The following STAG3 variants were observed in gnomAD, a reference collection of about 807,000 sequenced individuals.
STAG3 encodes cohesin subunit SA-3.
A neutral mutation model predicts 160.7 loss-of-function variants in STAG3; 101 were observed. The observed-to-expected ratio is 0.63, with a 90% confidence interval of 0.54 to 0.74. STAG3 has a LOEUF of 0.74. Among genes scored for constraint, STAG3 ranks in the 30% least tolerant of loss-of-function variants. The pLI is 0.00. For missense variants in STAG3, 1,188 were observed against 1,517.4 expected (o/e 0.78, Z 3.61); for synonymous variants, 519 against 585.0 (o/e 0.89, Z 1.63).
chr7:100,214,068 T>A lies in STAG3; in HGVS notation c.*53T>A. On this transcript the variant is annotated 3_prime_UTR_variant, in exon 34 of 34. Transcript: ENST00000615138. ...ACTCCCTACCTCAAGAATGTGACCATTTGGAAAAGGCAAAGAGAAAAGGAG... is the reference window on the plus strand; with the variant it reads ...ACTCCCTACCTCAAGAATGTGACCAATTGGAAAAGGCAAAGAGAAAAGGAG... 1 of 1,606,596 alleles carries A rather than the reference T, an allele frequency of 6.2e-7. No individual in the cohort carries two copies. The highest frequency in any genetic ancestry group is 8.5e-7 in the Non-Finnish European group (1 of 1,174,748).
At chr7:100,218,458 A>G (rs965795060), downstream of STAG3, 1 of 219,198 alleles carries the variant, frequency 4.6e-6, no homozygotes, top group Non-Finnish European at 9.2e-6. Flanking sequence ...CCCACATGGC[A>G]CTGCTGGGCA....
At chr7:100,216,770 C>CAA (rs398067113), downstream of STAG3, among the ~76,000 whole-genome samples, 7 of 128,782 alleles carry the variant, frequency 5.4e-5, no homozygotes, top group African/African-American at 1.7e-4. Context: ...GACTCCGTTT[C>CAA]AAAAAAAAAA....
At position 100,198,083 on chromosome 7, in the gene STAG3, G is replaced by A. The variant is rs201341534; in HGVS notation, c.1165-4G>A. Reference sequence around the variant, plus strand: ...GATATTGAGTGACTTTCTCCTTTCTGCAGGACCGGATGGTTTCCATGGTCA... The same window carrying A: ...GATATTGAGTGACTTTCTCCTTTCTACAGGACCGGATGGTTTCCATGGTCA... On this transcript the variant is annotated splice_polypyrimidine_tract_variant and splice_region_variant and intron_variant, in intron 11 of 33. Coordinates refer to ENST00000615138, the MANE Select transcript of STAG3 (RefSeq NM_001282717.2). 8 of 1,613,782 alleles carry A rather than the reference G, an allele frequency of 5.0e-6. No homozygotes were observed. Among genetic ancestry groups the A allele is most frequent in the South Asian group, 1.1e-5 (1 of 91,076 alleles).
At chr7:100,185,608 A>C (rs1799944623) in intron 4 of STAG3, among the ~76,000 whole-genome samples, 1 of 152,092 alleles carries the variant, frequency 6.6e-6, no homozygotes, top group Non-Finnish European at 1.5e-5. Flanking sequence ...TCTCAAAAAA[A>C]AAAAAAAAGG....
chr7:100,204,332 A>C (rs1414013066), intron 26 of STAG3, among the ~76,000 whole-genome samples: 1 of 152,206 alleles, frequency 6.6e-6, no homozygotes, highest in Non-Finnish European at 1.5e-5. Flanking sequence ...GTAACTTATC[A>C]GGACATTGGA....
rs890729663 is a variant in STAG3 at position 100,177,925 on chromosome 7, T to A, written c.-145T>A. On this transcript the variant is annotated 5_prime_UTR_variant, in exon 1 of 34. Coordinates refer to ENST00000615138, the MANE Select transcript of STAG3 (RefSeq NM_001282717.2). ...TGTCTTGTACGTTCCCGCGCTTTTC[T>A]GGAATCTTTCGCCCCCGGAAGGGCA... is the stretch of plus-strand genomic sequence containing the variant. 1 of 152,488 alleles carries A rather than the reference T, an allele frequency of 6.6e-6. No homozygotes were observed. The highest frequency in any genetic ancestry group is 1.9e-4 in the East Asian group (1 of 5,196). The allele number at this position is 152,488 out of a possible 1,614,324, so 9.4% of individuals were successfully genotyped here. A position where few individuals can be genotyped will look rare whatever the true frequency, so the allele number is the denominator to read the frequency against.
chr7:100,210,938 G>C, intron 29 of STAG3, 73 bp from the exon 30 acceptor site: 5 of 1,485,298 alleles, frequency 3.4e-6, no homozygotes, highest in Non-Finnish European at 4.6e-6. Flanking sequence ...ACTAAATCCT[G>C]GGCAGGTCTT....
chr7:100,201,563 T>C (rs1801136591), intron 21 of STAG3: 4 of 633,596 alleles, frequency 6.3e-6, no homozygotes, highest in Non-Finnish European at 1.1e-5. Context: ...CCAAGGATAA[T>C]ATTGAGGGAT....
At chr7:100,186,789 G>A (rs1467594444) in intron 5 of STAG3, among the ~76,000 whole-genome samples, 1 of 152,172 alleles carries the variant, frequency 6.6e-6, no homozygotes, top group African/African-American at 2.4e-5. Flanking sequence ...AGACACTTTA[G>A]GGAAAAAGAA....
downstream of STAG3, chr7:100,215,259 G>GC (rs1563017762): frequency 6.6e-6 from 1 of 152,162 alleles, no homozygotes; most frequent in Non-Finnish European, 1.5e-5. Context: ...CAGCCATCCA[G>GC]CTAGTGATGT....
intron 29 of STAG3, 101 bp downstream of exon 29, chr7:100,205,485 A>C (rs1165152579): frequency 8.2e-7 from 1 of 1,219,086 alleles, no homozygotes; most frequent in Non-Finnish European, 1.1e-6. Flanking sequence ...ACTGTCATTC[A>C]GGGTATTAAT....
intron 2 of STAG3, 81 bp from the exon 3 acceptor site, chr7:100,182,009 A>G: frequency 9.8e-7 from 1 of 1,017,618 alleles, no homozygotes; most frequent in Non-Finnish European, 1.5e-6. Context: ...GCGGTGAGAG[A>G]CAGAGAAACC....
intron 4 of STAG3, among the ~76,000 whole-genome samples, chr7:100,183,087 C>A (rs555601700): frequency 2.0e-4 from 30 of 151,840 alleles, no homozygotes; most frequent in African/African-American, 7.2e-4. Flanking sequence ...AGTCTTGGCT[C>A]ACTGCAGCCT....
At chr7:100,215,785 C>G (rs573534940), downstream of STAG3, among the ~76,000 whole-genome samples, 1 of 152,250 alleles carries the variant, frequency 6.6e-6, no homozygotes, top group South Asian at 2.1e-4. Context: ...GAGGCTGGGT[C>G]TAGGTTGTCT....
intron 4 of STAG3, among the ~76,000 whole-genome samples, chr7:100,183,535 G>A (rs982241155): frequency 7.9e-5 from 12 of 152,022 alleles, no homozygotes; most frequent in African/African-American, 2.4e-4. Flanking sequence ...TCTAATACCC[G>A]AAAGTGTACA....
chr7:100,199,654 G>C lies in STAG3; in HGVS notation c.1677+10G>C. 1 of 1,575,070 alleles carries C rather than the reference G, an allele frequency of 6.3e-7. No homozygotes were observed. Among genetic ancestry groups the C allele is most frequent in the Non-Finnish European group, 8.6e-7 (1 of 1,160,044 alleles). Reference sequence around the variant, plus strand: ...GGTCACTGGGAGGAAGGTATGGTGTGAGGGTAGAGTGGGTAGGTCAGCAAT... The same window carrying C: ...GGTCACTGGGAGGAAGGTATGGTGTCAGGGTAGAGTGGGTAGGTCAGCAAT... On this transcript the variant is annotated intron_variant, in intron 16 of 33. Coordinates refer to ENST00000615138, the MANE Select transcript of STAG3 (RefSeq NM_001282717.2).
chr7:100,192,110 C>T (rs1179035008), intron 8 of STAG3, among the ~76,000 whole-genome samples: 1 of 152,194 alleles, frequency 6.6e-6, no homozygotes. Context: ...AGTTTACTTC[C>T]TCTACTGAAG....
At chr7:100,189,194 C>G (rs1344985860) in intron 7 of STAG3, among the ~76,000 whole-genome samples, 178 bp downstream of exon 7, 1 of 152,106 alleles carries the variant, frequency 6.6e-6, no homozygotes, top group Non-Finnish European at 1.5e-5. Flanking sequence ...AGGGGTAGAT[C>G]ACAGCAACAA....
At position 100,211,445 on chromosome 7, in the gene STAG3, G is replaced by T; in HGVS notation, c.3424G>T (p.Val1142Phe). 6.2e-7 allele frequency: 1 copy of T among 1,613,644 alleles called. No homozygotes were observed. Among genetic ancestry groups the T allele is most frequent in the Non-Finnish European group, 8.5e-7 (1 of 1,179,904 alleles). The change falls in exon 31 of 34, where the codon GTC becomes TTC. Residue 1142 changes from valine to phenylalanine, a missense_variant. Transcript: ENST00000615138. ...CTGCTTCATTCCCAGCAGTCAGCCC[G>T]TCGCAGGCACCGAGAGGTCAAGGTT... is the stretch of plus-strand genomic sequence containing the variant. Reference protein sequence around the residue: ...ELDFAQGSQPVAGTERSRFLG... With the variant: ...ELDFAQGSQPFAGTERSRFLG...
Sources: allele counts gnomAD v4.1 joint callset (sites outside exome capture counted in the v4.1 genomes callset), GRCh38; gene constraint gnomAD v4.1.1; transcripts MANE v1.5; gene names NCBI Gene and HGNC (gene_info 2026-07-23, HGNC 2026-07-21).